KHDRBS3: variants seen among roughly 807,000 people sequenced by gnomAD.
KHDRBS3 encodes the protein KH RNA binding domain containing, signal transduction associated 3.
In KHDRBS3, 23 loss-of-function variants were observed where a neutral mutation model predicts 45.6. That is an observed-to-expected ratio of 0.50 (90% confidence interval 0.36 to 0.72). The LOEUF (loss-of-function observed/expected upper bound fraction) is 0.72, where lower values mean the gene tolerates loss of function less well. Among genes scored for constraint, KHDRBS3 ranks in the 30% least tolerant of loss-of-function variants. The pLI is 0.00. For synonymous variants in KHDRBS3, 162 were observed against 156.5 expected (o/e 1.04, Z -0.26); for missense variants, 352 against 424.8 (o/e 0.83, Z 1.51).
At chr8:135,484,746 C>T (rs1319771010) in intron 1 of KHDRBS3, among the ~76,000 whole-genome samples, 2 of 152,172 alleles carry the variant, frequency 1.3e-5, no homozygotes, top group African/African-American at 4.8e-5. Context: ...ATATTTAAAA[C>T]TTCTGTTCTC....
At chr8:135,599,272 T>TCTGC (rs1829102951) in intron 6 of KHDRBS3, among the ~76,000 whole-genome samples, 1 of 152,250 alleles carries the variant, frequency 6.6e-6, no homozygotes, top group South Asian at 2.1e-4. Context: ...AATAAGCAAG[T>TCTGC]CTTTTTAATG....
intron 6 of KHDRBS3, among the ~76,000 whole-genome samples, chr8:135,595,414 TAAGAG>T (rs1828930643): frequency 6.6e-6 from 1 of 152,182 alleles, no homozygotes; most frequent in African/African-American, 2.4e-5. Flanking sequence ...ATTTGTGAAT[TAAGAG>T]AATTGATTAG....
rs780762065 is a variant in KHDRBS3 at position 135,457,835 on chromosome 8, A to G, written c.-32A>G. Reference sequence around the variant, plus strand: ...CGGGCGCCGCCCCCCGTGCGCCTGGAGTCCACATCCCGGGCCCGGCGGCCG... The same window carrying G: ...CGGGCGCCGCCCCCCGTGCGCCTGGGGTCCACATCCCGGGCCCGGCGGCCG... On this transcript the variant is annotated 5_prime_UTR_variant, in exon 1 of 9. Transcript: ENST00000355849. This position sits in a 1 kb window ranked among gnomAD's most constrained non-coding sequence, Gnocchi z 4.4. 4.0e-5 allele frequency: 59 copies of G among 1,479,424 alleles called. No individual in the cohort carries two copies. The South Asian group carries it at 7.0e-4, about 18-fold the overall frequency. The allele number at this position is 1,479,424 out of a possible 1,614,324, so 91.6% of individuals were successfully genotyped here.
At chr8:135,604,099 AT>A (rs1230687870) in intron 6 of KHDRBS3, among the ~76,000 whole-genome samples, 1 of 151,792 alleles carries the variant, frequency 6.6e-6, no homozygotes, top group African/African-American at 2.4e-5. Flanking sequence ...TGTTACATAT[AT>A]TTTTTATATA....
At chr8:135,649,695 T>C (rs1220910359), downstream of KHDRBS3, among the ~76,000 whole-genome samples, 1 of 152,186 alleles carries the variant, frequency 6.6e-6, no homozygotes, top group Non-Finnish European at 1.5e-5. Context: ...TTTTTCACAA[T>C]TTTTTTCTTT....
chr8:135,652,193 G>A (rs973739941), downstream of KHDRBS3, among the ~76,000 whole-genome samples: 1 of 152,082 alleles, frequency 6.6e-6, no homozygotes, highest in South Asian at 2.1e-4. Flanking sequence ...GCCTGATTCT[G>A]TTTCTATTTC....
At chr8:135,538,216 C>T (rs1825871738) in intron 2 of KHDRBS3, among the ~76,000 whole-genome samples, 1 of 152,100 alleles carries the variant, frequency 6.6e-6, no homozygotes, top group South Asian at 2.1e-4. Context: ...TTGGGTGGAG[C>T]TTGTCTGCTG....
At chr8:135,478,503 C>A (rs1822405807) in intron 1 of KHDRBS3, among the ~76,000 whole-genome samples, 1 of 152,132 alleles carries the variant, frequency 6.6e-6, no homozygotes. Flanking sequence ...GTAGAATCTG[C>A]CCCCTGGTAA....
intron 4 of KHDRBS3, among the ~76,000 whole-genome samples, chr8:135,653,179 A>C (rs1831464633): frequency 6.6e-6 from 1 of 152,104 alleles, no homozygotes; most frequent in Non-Finnish European, 1.5e-5. Flanking sequence ...TGTTATCCTG[A>C]GGCTAGATTT....
intron 5 of KHDRBS3, among the ~76,000 whole-genome samples, chr8:135,571,317 T>C (rs1474794070): frequency 1.3e-5 from 2 of 152,256 alleles, no homozygotes; most frequent in African/African-American, 4.8e-5. Flanking sequence ...TTTGGCTCTC[T>C]CTTCCCTACC....
chr8:135,584,058 G>A (rs1381924877), intron 6 of KHDRBS3, among the ~76,000 whole-genome samples: 9 of 152,164 alleles, frequency 5.9e-5, no homozygotes, highest in Admixed American at 5.9e-4. Context: ...TGGCCCTGTA[G>A]AAGATTACCT....
Position 135,548,821 on chromosome 8 carries a change from T to A in KHDRBS3, c.392T>A (p.Ile131Asn). Residue 131 changes from isoleucine (I) to asparagine (N), a missense_variant, in exon 4 of 9, where the codon ATT becomes AAT. Around this residue, in one of 6 missense-constraint regions of KHDRBS3, gnomAD observed 46 missense variants for 45.9 expected, o/e 1.00. Transcript: ENST00000355849. ...CTCAATGATGATCTCCATGTTCTCATTGAAGTGTTTGCCCCACCTGCAGAA... is the reference window on the plus strand; with the variant it reads ...CTCAATGATGATCTCCATGTTCTCAATGAAGTGTTTGCCCCACCTGCAGAA... ...FHLNDDLHVL[I>N]EVFAPPAEAY... is the part of the protein sequence containing the mutation. 6.2e-7 allele frequency: 1 copy of A among 1,605,688 alleles called. No individual in the cohort carries two copies. Among genetic ancestry groups the A allele is most frequent in the Non-Finnish European group, 8.5e-7 (1 of 1,175,690 alleles).
chr8:135,532,715 A>G (rs561859808), intron 2 of KHDRBS3, among the ~76,000 whole-genome samples: 23 of 152,320 alleles, frequency 1.5e-4, no homozygotes, highest in Non-Finnish European at 1.5e-5. Flanking sequence ...GCTAAAAGTT[A>G]CTAAGTATCG....
chr8:135,508,700 G>A (rs1824129023), intron 1 of KHDRBS3, among the ~76,000 whole-genome samples: 1 of 152,016 alleles, frequency 6.6e-6, no homozygotes, highest in Non-Finnish European at 1.5e-5. Context: ...GAATTAGTCC[G>A]GTGCACTGGT....
intron 1 of KHDRBS3, among the ~76,000 whole-genome samples, chr8:135,487,570 G>A (rs1276777372): frequency 6.6e-6 from 1 of 152,220 alleles, no homozygotes; most frequent in Admixed American, 6.5e-5. Flanking sequence ...CCAAGCATGG[G>A]GAGAGCCCTT....
downstream of KHDRBS3, among the ~76,000 whole-genome samples, chr8:135,649,848 C>G (rs548944752): frequency 1.3e-5 from 2 of 152,168 alleles, no homozygotes; most frequent in East Asian, 3.9e-4. Flanking sequence ...TTCAAAGCTT[C>G]CATAGCTTTA....
intron 5 of KHDRBS3, among the ~76,000 whole-genome samples, chr8:135,572,646 A>G (rs1187001618): frequency 2.6e-5 from 4 of 152,124 alleles, no homozygotes; most frequent in Non-Finnish European, 5.9e-5. Context: ...TGTAAACCCC[A>G]CTCTGGCCTA....
intron 2 of KHDRBS3, among the ~76,000 whole-genome samples, chr8:135,528,723 A>G (rs1039991189): frequency 5.3e-5 from 8 of 152,328 alleles, no homozygotes; most frequent in African/African-American, 1.9e-4. Flanking sequence ...TGGGAAATCT[A>G]AGATCAAGCC....
At chr8:135,597,275 C>A (rs1829011453) in intron 6 of KHDRBS3, among the ~76,000 whole-genome samples, 2 of 152,140 alleles carry the variant, frequency 1.3e-5, no homozygotes, top group African/African-American at 4.8e-5. Flanking sequence ...TAAACCAGTT[C>A]ACGAGAGCCT....
Sources: allele counts gnomAD v4.1 joint callset (sites outside exome capture counted in the v4.1 genomes callset), GRCh38; gene constraint gnomAD v4.1.1; regional missense constraint gnomAD v4.1.1; non-coding constraint Gnocchi (gnomAD v3.1); transcripts MANE v1.5; gene names NCBI Gene and HGNC (gene_info 2026-07-23, HGNC 2026-07-21).